Variants in AKAP6 observed in about 807,000 individuals in gnomAD.
AKAP6 encodes the protein A-kinase anchor protein 6.
A neutral mutation model predicts 188.5 loss-of-function variants in AKAP6; 58 were observed. The observed-to-expected ratio is 0.31, with a 90% CI of 0.25 to 0.38. AKAP6 has a LOEUF of 0.38. AKAP6 is among the 10% of genes least tolerant of loss of function. The pLI is 1.00. For missense variants in AKAP6, 2,710 were observed against 2,740.0 expected, an observed-to-expected ratio of 0.99 and a Z score of 0.24; for synonymous variants, 989 against 998.6, an observed-to-expected ratio of 0.99 and a Z score of 0.18.
At chr14:32,430,515 G>GT (rs1477660811) in intron 1 of AKAP6, among the ~76,000 whole-genome samples, 4 of 152,276 alleles carry the variant, frequency 2.6e-5, no homozygotes, top group Admixed American at 2.0e-4. Flanking sequence ...ACTAAGCACT[G>GT]TTTTTTCAGT....
At chr14:32,498,306 T>C (rs1032400107) in intron 2 of AKAP6, among the ~76,000 whole-genome samples, 18 of 150,172 alleles carry the variant, frequency 1.2e-4, no homozygotes. Context: ...CCTGAATATA[T>C]AACAATTAAT....
intron 12 of AKAP6, among the ~76,000 whole-genome samples, chr14:32,799,674 C>T (rs750487716): frequency 1.2e-4 from 18 of 151,840 alleles, no homozygotes; most frequent in Non-Finnish European, 1.9e-4. Flanking sequence ...GGAGAGCATT[C>T]GTTGTATGAT....
In AKAP6 at chr14:32,834,905, C is replaced by T. The variant is rs908910977; in HGVS notation, c.*5100C>T. 2 of 152,124 alleles carry T rather than the reference C, an allele frequency of 1.3e-5. No individual in the cohort carries two copies. The highest frequency in any genetic ancestry group is 4.8e-5 in the African/African-American group (2 of 41,416). 9.4% of individuals were successfully genotyped at this position (152,124 alleles called of 1,614,324 possible). ...AGCTCGTTGCCTGTTCTGGTTTGAC[C>T]CATTTGAACAATTGACGAGCTTCAA... On this transcript the variant is annotated 3_prime_UTR_variant, in exon 14 of 14. Transcript: ENST00000280979.
intron 12 of AKAP6, among the ~76,000 whole-genome samples, chr14:32,819,058 A>G (rs970666149): frequency 2.0e-5 from 3 of 152,182 alleles, no homozygotes; most frequent in African/African-American, 7.2e-5. Flanking sequence ...TTTATCAGCA[A>G]GCAAAGAATA....
intron 7 of AKAP6, among the ~76,000 whole-genome samples, chr14:32,622,639 T>G (rs748233932): frequency 1.3e-5 from 2 of 152,152 alleles, no homozygotes; most frequent in African/African-American, 4.8e-5. Context: ...CGGAGTTGGT[T>G]GCTAAGAAGA....
At position 32,782,183 on chromosome 14, in the gene AKAP6, A is replaced by AAGGGAGGG. The variant is rs553132400; in HGVS notation, c.3588+8310_3588+8317dup. On this transcript the variant is annotated intron_variant, in intron 12 of 13. Coordinates refer to ENST00000280979, the MANE Select transcript of AKAP6 (RefSeq NM_004274.5). ...CTGTCTCAAAAAAAGGAAAGAAAGG[A>AAGGGAGGG]AGGGAGGGAGGGAGGGAGGGAGGGA... 1.2e-3 allele frequency among the ~76,000 whole-genome samples: 145 copies of AAGGGAGGG among 121,506 alleles called. 1 individual carries two copies. Among genetic ancestry groups the AAGGGAGGG allele is most frequent in the South Asian group, 3.9e-3 (12 of 3,112 alleles). The allele number at this position is 121,506 out of a possible 152,430, so 79.7% of individuals were successfully genotyped here. A position where few individuals can be genotyped will look rare whatever the true frequency, so the allele number is the denominator to read the frequency against.
intron 12 of AKAP6, among the ~76,000 whole-genome samples, chr14:32,779,737 T>C (rs1179316179): frequency 6.6e-6 from 1 of 152,192 alleles, no homozygotes. Context: ...TCCATTACTT[T>C]TTCTCAATAG....
intron 12 of AKAP6, among the ~76,000 whole-genome samples, chr14:32,816,974 C>G (rs189387308): frequency 7.2e-5 from 11 of 152,138 alleles, no homozygotes; most frequent in Admixed American, 3.3e-4. Flanking sequence ...CTGTAACATT[C>G]AGTTCATCCT....
chr14:32,440,299 G>T (rs1890527270), intron 2 of AKAP6, among the ~76,000 whole-genome samples: 1 of 151,542 alleles, frequency 6.6e-6, no homozygotes, highest in South Asian at 2.1e-4. Context: ...TTGGACACAG[G>T]GTGGGGAACA....
intron 7 of AKAP6, among the ~76,000 whole-genome samples, chr14:32,640,117 T>TA (rs398024724): frequency 7.2e-5 from 11 of 152,090 alleles, no homozygotes; most frequent in Non-Finnish European, 1.6e-4. Context: ...TCATTTTTTT[T>TA]ATTTTCAATA....
chr14:32,706,566 T>C (rs562362948), intron 9 of AKAP6, among the ~76,000 whole-genome samples: 46 of 152,282 alleles, frequency 3.0e-4, no homozygotes, highest in African/African-American at 1.1e-3. Flanking sequence ...AGATGCTCTA[T>C]AGGAATATCA....
chr14:32,535,479 A>G, intron 2 of AKAP6, 75 bp from the exon 3 acceptor site: 1 of 1,507,018 alleles, frequency 6.6e-7, no homozygotes, highest in Non-Finnish European at 9.0e-7. Context: ...GTAAGAGTGT[A>G]CTTTTCTACT....
intron 4 of AKAP6, among the ~76,000 whole-genome samples, chr14:32,547,972 G>A (rs1373776457): frequency 6.6e-6 from 1 of 152,128 alleles, no homozygotes; most frequent in Non-Finnish European, 1.5e-5. Context: ...GAGGCCATTG[G>A]AAGTAGATCC....
At position 32,773,838 on chromosome 14, in the gene AKAP6, T is replaced by C. The variant is rs781359301; in HGVS notation, c.3533T>C (p.Val1178Ala). 2.5e-6 allele frequency: 4 copies of C among 1,614,104 alleles called. No homozygotes were observed. In the Admixed American group the frequency reaches 6.7e-5, roughly 27 times the overall value. Reference protein sequence around the residue: ...VNLERRWEAIVMQAVQWQTRL... With the variant: ...VNLERRWEAIAMQAVQWQTRL... ...CTTGAAAGAAGGTGGGAAGCCATTG[T>C]CATGCAAGCCGTCCAGTGGCAAACA... Residue 1178 changes from valine (V) to alanine (A), a missense_variant, in exon 12 of 14, where the codon GTC becomes GCC. This residue lies in a region of AKAP6 where 2,473 missense variants were observed against 2,426.1 expected (regional missense o/e 1.02). Transcript: ENST00000280979.
At chr14:32,436,399 G>A (rs573728739) in intron 2 of AKAP6, among the ~76,000 whole-genome samples, 2 of 152,018 alleles carry the variant, frequency 1.3e-5, no homozygotes, top group Non-Finnish European at 2.9e-5. Context: ...TTCAGTAAAC[G>A]TCACTACTCT....
intron 11 of AKAP6, among the ~76,000 whole-genome samples, chr14:32,750,828 G>A (rs929466585): frequency 4.2e-5 from 6 of 144,406 alleles, no homozygotes; most frequent in South Asian, 2.3e-4. Flanking sequence ...CTGCAAGCCC[G>A]GGTTCACCCC....
At chr14:32,466,833 A>G (rs1308809586) in intron 2 of AKAP6, among the ~76,000 whole-genome samples, 1 of 141,906 alleles carries the variant, frequency 7.0e-6, no homozygotes, top group Non-Finnish European at 1.5e-5. Context: ...AAGATTATAT[A>G]TATATATATA....
chr14:32,801,162 A>G (rs995947065), intron 12 of AKAP6, among the ~76,000 whole-genome samples: 2 of 152,212 alleles, frequency 1.3e-5, no homozygotes, highest in African/African-American at 4.8e-5. Flanking sequence ...TAGTTGGATT[A>G]ATATCTATCA....
intron 11 of AKAP6, among the ~76,000 whole-genome samples, chr14:32,745,513 C>T (rs868480594): frequency 6.7e-6 from 1 of 150,022 alleles, no homozygotes; most frequent in African/African-American, 2.5e-5. Context: ...CTCTCTCTCT[C>T]TCTCTGTCTG....
Sources: allele counts gnomAD v4.1 joint callset (sites outside exome capture counted in the v4.1 genomes callset), GRCh38; gene constraint gnomAD v4.1.1; regional missense constraint gnomAD v4.1.1; transcripts MANE v1.5; gene names NCBI Gene and HGNC (gene_info 2026-07-23, HGNC 2026-07-21).